The following PRKG1 variants were observed in gnomAD, a reference collection of about 807,000 sequenced individuals.
PRKG1 encodes protein kinase cGMP-dependent 1.
In PRKG1, 35 loss-of-function variants were observed where a neutral mutation model predicts 88.1. That is an observed-to-expected ratio of 0.40 (90% CI 0.30 to 0.53). The LOEUF is 0.53. Among genes scored for constraint, PRKG1 ranks in the 20% least tolerant of loss-of-function variants. The probability of loss-of-function intolerance (pLI) is 0.59; values close to 1 mark genes in which losing one functional copy is unlikely to be tolerated. For synonymous variants in PRKG1, 303 were observed against 292.5 expected, an observed-to-expected ratio of 1.04 and a Z score of -0.37; for missense variants, 540 against 839.8, an observed-to-expected ratio of 0.64 and a Z score of 4.41.
intron 2 of PRKG1, among the ~76,000 whole-genome samples, chr10:51,241,792 G>A (rs190700491): frequency 6.6e-6 from 1 of 152,206 alleles, no homozygotes; most frequent in East Asian, 1.9e-4. Context: ...GTCCTGTGCT[G>A]TCCTTAAACC....
chr10:51,644,424 GATTT>G (rs918523221), intron 3 of PRKG1, among the ~76,000 whole-genome samples: 4 of 152,060 alleles, frequency 2.6e-5, no homozygotes, highest in African/African-American at 4.8e-5. Context: ...TCAAATTCTT[GATTT>G]ATTACCTGGA....
intron 9 of PRKG1, among the ~76,000 whole-genome samples, chr10:52,163,482 A>G (rs1303799286): frequency 6.6e-6 from 1 of 151,904 alleles, no homozygotes; most frequent in African/African-American, 2.4e-5. Context: ...GAAAAATTCA[A>G]GACTTTTGTA....
At chr10:52,154,469 C>G (rs1764575879) in intron 8 of PRKG1, among the ~76,000 whole-genome samples, 1 of 152,050 alleles carries the variant, frequency 6.6e-6, no homozygotes, top group South Asian at 2.1e-4. Flanking sequence ...TAGCACTACT[C>G]TACAAAAAGA....
chr10:51,556,448 G>A lies in PRKG1; in HGVS notation c.592+88612G>A, dbSNP rs138687946. On this transcript the variant is annotated intron_variant, in intron 3 of 17. Coordinates refer to ENST00000373980, the MANE Select transcript of PRKG1 (RefSeq NM_006258.4). ...TTTTTTACACTCAAAGTATTCCTAG[G>A]CACTAGTCACGATAGCAAAGACATG... Among the ~76,000 whole-genome samples, 44 of 151,598 alleles carry A rather than the reference G, an allele frequency of 2.9e-4. 2 individuals are homozygous for A. In the East Asian group the frequency reaches 8.3e-3, roughly 29 times the overall value.
intron 2 of PRKG1, among the ~76,000 whole-genome samples, chr10:51,455,253 T>C (rs1839551463): frequency 6.6e-6 from 1 of 152,222 alleles, no homozygotes; most frequent in Non-Finnish European, 1.5e-5. Flanking sequence ...CAGAGGGTCC[T>C]TGGGCCTAGC....
rs758806447 is a variant in PRKG1 at position 51,698,272 on chromosome 10, C to T, written c.593-106313C>T. On this transcript the variant is annotated intron_variant, in intron 3 of 17. Coordinates refer to ENST00000373980, the MANE Select transcript of PRKG1 (RefSeq NM_006258.4). ...TCTCCATTACACGTGTCTCTAAGAC[C>T]TCAGTTTCCATGGCACGAGTCTCCA... The T allele has an allele frequency of 6.2e-6, 10 of 1,614,050 alleles. No individual in the cohort carries two copies. In the East Asian group the frequency reaches 2.2e-4, roughly 36 times the overall value.
intron 3 of PRKG1, among the ~76,000 whole-genome samples, chr10:51,540,048 G>A (rs1446240133): frequency 1.3e-5 from 2 of 152,132 alleles, no homozygotes; most frequent in African/African-American, 4.8e-5. Context: ...GTTACCTGAT[G>A]TTTTTGCCAC....
chr10:51,472,000 T>C (rs1350571864), intron 3 of PRKG1, among the ~76,000 whole-genome samples: 1 of 151,944 alleles, frequency 6.6e-6, no homozygotes, highest in Non-Finnish European at 1.5e-5. Context: ...TTTATTAAAA[T>C]ACTTCATTAT....
chr10:51,597,586 G>T (rs140598013), intron 3 of PRKG1, among the ~76,000 whole-genome samples: 7 of 152,154 alleles, frequency 4.6e-5, no homozygotes, highest in Admixed American at 3.9e-4. Context: ...TTGCTCATTT[G>T]TCAGTTTTTC....
chr10:51,505,281 T>C (rs943057517), intron 3 of PRKG1, among the ~76,000 whole-genome samples: 5 of 152,196 alleles, frequency 3.3e-5, no homozygotes, highest in African/African-American at 1.2e-4. Flanking sequence ...GTTTATTGAT[T>C]TGCATATATT....
intron 1 of PRKG1, among the ~76,000 whole-genome samples, chr10:51,056,115 G>T (rs970059083): frequency 3.3e-5 from 5 of 152,176 alleles, no homozygotes; most frequent in Admixed American, 2.0e-4. Context: ...GCCTAAACAG[G>T]CATGAAGGGG....
At chr10:51,896,606 G>T (rs1841852539) in intron 4 of PRKG1, among the ~76,000 whole-genome samples, 1 of 136,458 alleles carries the variant, frequency 7.3e-6, no homozygotes, top group Non-Finnish European at 1.5e-5. Flanking sequence ...TAGCTACCCA[G>T]GAGGCTAAGC....
intron 2 of PRKG1, among the ~76,000 whole-genome samples, chr10:51,200,591 A>G (rs750777599): frequency 6.6e-6 from 1 of 152,230 alleles, no homozygotes; most frequent in East Asian, 1.9e-4. Context: ...ATTGATCTAT[A>G]TACCCCCATT....
intron 5 of PRKG1, among the ~76,000 whole-genome samples, chr10:51,947,272 G>A (rs1343327162): frequency 1.3e-5 from 2 of 152,168 alleles, no homozygotes; most frequent in Non-Finnish European, 2.9e-5. Flanking sequence ...GGAGCCAGGT[G>A]TGGGATATAA....
At chr10:51,482,629 C>G (rs1025534550) in intron 3 of PRKG1, among the ~76,000 whole-genome samples, 1 of 152,174 alleles carries the variant, frequency 6.6e-6, no homozygotes, top group Non-Finnish European at 1.5e-5. Flanking sequence ...AAAGAGGTTT[C>G]TGTTTATATT....
At chr10:51,680,102 T>C (rs532809180) in intron 3 of PRKG1, among the ~76,000 whole-genome samples, 15 of 152,296 alleles carry the variant, frequency 9.8e-5, no homozygotes, top group Non-Finnish European at 2.1e-4. Context: ...CATCTGCATA[T>C]GGTGTCAATC....
At chr10:52,013,682 G>A (rs1048030816) in intron 5 of PRKG1, among the ~76,000 whole-genome samples, 1 of 152,108 alleles carries the variant, frequency 6.6e-6, no homozygotes, top group African/African-American at 2.4e-5. Flanking sequence ...GTAATTGCAG[G>A]CCTTGATTCA....
At position 51,183,759 on chromosome 10, in the gene PRKG1, T is replaced by C. The variant is rs139545932; in HGVS notation, c.478+30429T>C. Among the ~76,000 whole-genome samples the C allele has an allele frequency of 7.8e-4, 119 of 152,334 alleles. 1 individual carries two copies. The East Asian group carries it at 0.019, about 24-fold the overall frequency. ...TTTTAAATATGTATAAATACATACA[T>C]ATTCTTACTCTTAAAACATGTTTAG... On this transcript the variant is annotated intron_variant, in intron 2 of 17. Transcript: ENST00000373980.
At chr10:51,234,722 T>C (rs535775917) in intron 2 of PRKG1, among the ~76,000 whole-genome samples, 12 of 152,352 alleles carry the variant, frequency 7.9e-5, no homozygotes, top group African/African-American at 2.4e-4. Context: ...CATCCTTTTT[T>C]TGTATTTTTT....
Sources: gnomAD v4.1 joint callset for allele counts (sites outside exome capture counted in the v4.1 genomes callset) on GRCh38, gnomAD v4.1.1 for gene constraint, MANE v1.5 for transcripts, NCBI Gene and HGNC (gene_info 2026-07-23, HGNC 2026-07-21) for gene names.